The following LCLAT1 variants were observed in gnomAD, a reference collection of about 807,000 sequenced individuals.
LCLAT1 encodes 1-AGP acyltransferase 8.
LCLAT1 carries 11 observed loss-of-function variants against 30.7 expected under a neutral mutation model. The ratio of observed to expected loss-of-function variants is 0.36; its 90% CI spans 0.23 to 0.59. The LOEUF (loss-of-function observed/expected upper bound fraction) is 0.59, where lower values mean the gene tolerates loss of function less well. Among genes scored for constraint, LCLAT1 ranks in the 20% least tolerant of loss-of-function variants. The pLI is 0.77. For synonymous variants in LCLAT1, 155 were observed against 151.3 expected, an observed-to-expected ratio of 1.02 and a Z score of -0.18; for missense variants, 402 against 458.6, an observed-to-expected ratio of 0.88 and a Z score of 1.13.
chr2:30,603,145 A>C (rs1667271264), intron 5 of LCLAT1, among the ~76,000 whole-genome samples: 1 of 152,192 alleles, frequency 6.6e-6, no homozygotes, highest in South Asian at 2.1e-4. Context: ...CATATGTAAG[A>C]AATTTAAAAT....
chr2:30,616,575 AAT>A (rs778328218), intron 5 of LCLAT1, among the ~76,000 whole-genome samples: 1 of 152,200 alleles, frequency 6.6e-6, no homozygotes, highest in Non-Finnish European at 1.5e-5. Context: ...CTGCTTCAGA[AAT>A]ATGTTGATGT....
At chr2:30,557,286 G>A (rs1664967594) in intron 3 of LCLAT1, among the ~76,000 whole-genome samples, 1 of 75,670 alleles carries the variant, frequency 1.3e-5, no homozygotes, top group South Asian at 4.8e-4. Flanking sequence ...GTATGATCGT[G>A]TGTGTGTGTG....
At chr2:30,492,717 A>G (rs951872952) in intron 1 of LCLAT1, among the ~76,000 whole-genome samples, 1 of 152,214 alleles carries the variant, frequency 6.6e-6, no homozygotes, top group African/African-American at 2.4e-5. Flanking sequence ...GCAATATGAA[A>G]GAGCTTGCTT....
rs543368512 is a variant in LCLAT1 at position 30,612,974 on chromosome 2, AAAAT to A, written c.629-27138_629-27135del. ...ATGTCAGATGATGGGGCTTACAGAG[AAAAT>A]AAATCAAGGAAGAGGGAAGACTGAA... On this transcript the variant is annotated intron_variant, in intron 5 of 5. Transcript: ENST00000379509. 1.1e-4 allele frequency among the ~76,000 whole-genome samples: 16 copies of A among 152,294 alleles called. No homozygotes were observed. In the East Asian group the frequency reaches 2.3e-3, roughly 22 times the overall value.
intron 5 of LCLAT1, among the ~76,000 whole-genome samples, chr2:30,608,507 G>T (rs1667575426): frequency 6.6e-6 from 1 of 151,930 alleles, no homozygotes; most frequent in African/African-American, 2.4e-5. Context: ...TTCCAGTCCT[G>T]CAGACTCCAT....
At chr2:30,468,305 C>T (rs985244995) in intron 1 of LCLAT1, among the ~76,000 whole-genome samples, 11 of 152,106 alleles carry the variant, frequency 7.2e-5, no homozygotes, top group Non-Finnish European at 1.5e-4. Context: ...ATTGGTCTCT[C>T]TCTCTGTTTT....
At chr2:30,534,792 C>T (rs780841258) in intron 3 of LCLAT1, among the ~76,000 whole-genome samples, 1 of 152,086 alleles carries the variant, frequency 6.6e-6, no homozygotes, top group Non-Finnish European at 1.5e-5. Flanking sequence ...AAGCAGTTAC[C>T]ATCCTCAAAG....
At chr2:30,514,440 C>T (rs1214258686) in intron 1 of LCLAT1, among the ~76,000 whole-genome samples, 1 of 152,162 alleles carries the variant, frequency 6.6e-6, no homozygotes, top group Non-Finnish European at 1.5e-5. Flanking sequence ...ATCAGCCTTG[C>T]AGTGTTCACA....
intron 1 of LCLAT1, among the ~76,000 whole-genome samples, chr2:30,516,621 C>A (rs1685198666): frequency 6.6e-6 from 1 of 152,146 alleles, no homozygotes; most frequent in African/African-American, 2.4e-5. Context: ...CCAAGAACCC[C>A]AGGTCAGAGA....
intron 5 of LCLAT1, among the ~76,000 whole-genome samples, chr2:30,588,377 T>C (rs1666534676): frequency 6.6e-6 from 1 of 152,226 alleles, no homozygotes; most frequent in Non-Finnish European, 1.5e-5. Context: ...CATGTGGCTG[T>C]GCCCCCAAAC....
chr2:30,516,131 G>A (rs773946634), intron 1 of LCLAT1, among the ~76,000 whole-genome samples: 4 of 152,202 alleles, frequency 2.6e-5, no homozygotes, highest in Non-Finnish European at 5.9e-5. Context: ...TAAAGAAATA[G>A]TCATCTATCG....
At chr2:30,537,650 C>T (rs1168610537) in intron 3 of LCLAT1, among the ~76,000 whole-genome samples, 1 of 152,102 alleles carries the variant, frequency 6.6e-6, no homozygotes, top group Admixed American at 6.5e-5. Context: ...ACTTCAGCAC[C>T]TCACTCTCAG....
At chr2:30,636,730 GA>G (rs1669046824) in intron 5 of LCLAT1, among the ~76,000 whole-genome samples, 1 of 152,162 alleles carries the variant, frequency 6.6e-6, no homozygotes, top group African/African-American at 2.4e-5. Context: ...AAGGAAGAAA[GA>G]AAAGGGCATT....
At chr2:30,454,732 AG>A (rs1681739040) in intron 1 of LCLAT1, among the ~76,000 whole-genome samples, 1 of 151,964 alleles carries the variant, frequency 6.6e-6, no homozygotes, top group Non-Finnish European at 1.5e-5. Flanking sequence ...TACAGGCGTG[AG>A]CCACTGCACG....
intron 5 of LCLAT1, among the ~76,000 whole-genome samples, chr2:30,605,176 A>G (rs905986931): frequency 1.3e-5 from 2 of 152,228 alleles, no homozygotes; most frequent in Non-Finnish European, 2.9e-5. Context: ...TTAAGCATTT[A>G]TAGTGCGGAG....
chr2:30,492,028 A>G (rs1683857228), intron 1 of LCLAT1, among the ~76,000 whole-genome samples: 1 of 152,192 alleles, frequency 6.6e-6, no homozygotes, highest in Non-Finnish European at 1.5e-5. Flanking sequence ...TTAGGCATTT[A>G]TGTATCATGT....
chr2:30,455,725 A>G (rs2148262378), intron 1 of LCLAT1, among the ~76,000 whole-genome samples: 1 of 152,024 alleles, frequency 6.6e-6, no homozygotes, highest in Middle Eastern at 3.4e-3. Flanking sequence ...CTGGGAACAC[A>G]GGGAGGCCCT....
chr2:30,558,898 G>T (rs190858177), intron 3 of LCLAT1, among the ~76,000 whole-genome samples: 43 of 152,152 alleles, frequency 2.8e-4, no homozygotes, highest in Middle Eastern at 3.4e-3. Flanking sequence ...ACGAAAGACA[G>T]GTACAAGATT....
intron 4 of LCLAT1, among the ~76,000 whole-genome samples, chr2:30,564,646 T>C (rs1279498726): frequency 6.6e-6 from 1 of 150,600 alleles, no homozygotes; most frequent in Admixed American, 6.7e-5. Context: ...ATACAGATAA[T>C]TTTATTGAGT....
Sources: gnomAD v4.1 joint callset for allele counts (sites outside exome capture counted in the v4.1 genomes callset) on GRCh38, gnomAD v4.1.1 for gene constraint, MANE v1.5 for transcripts, NCBI Gene and HGNC (gene_info 2026-07-23, HGNC 2026-07-21) for gene names.